The following SLC44A5 variants were observed in gnomAD, a reference collection of about 807,000 sequenced individuals.
SLC44A5 encodes choline transporter-like protein 5.
In SLC44A5, 57 loss-of-function variants were observed where a neutral mutation model predicts 101.8. The observed-to-expected ratio is 0.56, with a 90% CI of 0.45 to 0.70. The LOEUF is 0.70. Ranked by LOEUF, SLC44A5 falls within the 30% of genes least tolerant of loss-of-function variation. The pLI is 0.00. For missense variants in SLC44A5, 737 were observed against 853.1 expected (o/e 0.86, Z 1.70); for synonymous variants, 281 against 290.9 (o/e 0.97, Z 0.35).
At chr1:75,690,325 T>C in the SLC44A5 span, among the ~76,000 whole-genome samples, 2 of 151,218 alleles carry the variant, frequency 1.3e-5, no homozygotes, top group Non-Finnish European at 2.9e-5. Flanking sequence ...TCATGAGAAC[T>C]CCCCCCAATA....
intron 2 of SLC44A5, among the ~76,000 whole-genome samples, chr1:75,400,962 C>T (rs1051534145): frequency 2.6e-5 from 4 of 152,212 alleles, no homozygotes; most frequent in Non-Finnish European, 5.9e-5. Flanking sequence ...TCTTGGCATG[C>T]CTATTATACT....
At chr1:75,303,254 G>T (rs1481408544) in intron 4 of SLC44A5, among the ~76,000 whole-genome samples, 1 of 152,044 alleles carries the variant, frequency 6.6e-6, no homozygotes, top group Non-Finnish European at 1.5e-5. Flanking sequence ...TTTGTTTTTT[G>T]AGCCGGAGTC....
intron 1 of SLC44A5, among the ~76,000 whole-genome samples, chr1:75,589,605 C>T (rs539103124): frequency 6.6e-6 from 1 of 152,268 alleles, no homozygotes; most frequent in South Asian, 2.1e-4. Context: ...GAACCAAAGT[C>T]AGGCGAGCAT....
At chr1:75,341,374 C>A (rs1414910837) in intron 3 of SLC44A5, among the ~76,000 whole-genome samples, 1 of 152,034 alleles carries the variant, frequency 6.6e-6, no homozygotes, top group Non-Finnish European at 1.5e-5. Flanking sequence ...CCTAGCTATT[C>A]CAAAGGCTGA....
the SLC44A5 span, among the ~76,000 whole-genome samples, chr1:75,668,533 G>T: frequency 6.6e-6 from 1 of 150,848 alleles, no homozygotes; most frequent in Non-Finnish European, 1.5e-5. Context: ...AGGCTGGTCA[G>T]CTGGTCTCCA....
chr1:75,364,166 A>G (rs1659696311), intron 3 of SLC44A5, among the ~76,000 whole-genome samples: 1 of 152,162 alleles, frequency 6.6e-6, no homozygotes, highest in Non-Finnish European at 1.5e-5. Flanking sequence ...ATTTGATTGC[A>G]GAGATCTAAG....
At chr1:75,720,056 T>C in the SLC44A5 span, among the ~76,000 whole-genome samples, 2 of 152,218 alleles carry the variant, frequency 1.3e-5, no homozygotes, top group Admixed American at 6.5e-5. Context: ...AAGCATGTAC[T>C]TACTGTAAAT....
chr1:75,530,868 G>A (rs1044621756), intron 2 of SLC44A5, among the ~76,000 whole-genome samples: 2 of 152,180 alleles, frequency 1.3e-5, no homozygotes, highest in African/African-American at 2.4e-5. Context: ...AAGTGAGTCA[G>A]AAGTAGGTCA....
the SLC44A5 span, among the ~76,000 whole-genome samples, chr1:75,644,429 G>A: frequency 6.6e-6 from 1 of 151,810 alleles, no homozygotes; most frequent in Non-Finnish European, 1.5e-5. Context: ...TCATACTATT[G>A]AATGACTTTT....
At chr1:75,233,501 G>A (rs1333472137) in intron 12 of SLC44A5, among the ~76,000 whole-genome samples, 1 of 152,056 alleles carries the variant, frequency 6.6e-6, no homozygotes, top group Admixed American at 6.6e-5. Flanking sequence ...GTGTAATTCG[G>A]AATACTTGCC....
intron 5 of SLC44A5, among the ~76,000 whole-genome samples, chr1:75,292,970 A>G (rs1045850824): frequency 6.6e-6 from 1 of 152,228 alleles, no homozygotes; most frequent in East Asian, 1.9e-4. Context: ...TGGTTCAATC[A>G]TCTTTTTTCT....
intron 4 of SLC44A5, among the ~76,000 whole-genome samples, chr1:75,322,958 T>A (rs1656282895): frequency 6.6e-6 from 1 of 152,138 alleles, no homozygotes; most frequent in East Asian, 1.9e-4. Flanking sequence ...ATTATTATTA[T>A]ACTTTAAGTT....
At chr1:75,285,720 T>C (rs1652981166) in intron 5 of SLC44A5, among the ~76,000 whole-genome samples, 1 of 151,992 alleles carries the variant, frequency 6.6e-6, no homozygotes, top group Non-Finnish European at 1.5e-5. Context: ...TTGATTTTAT[T>C]GTTGACCCAA....
intron 2 of SLC44A5, among the ~76,000 whole-genome samples, chr1:75,541,169 C>T (rs1671335404): frequency 6.6e-6 from 1 of 152,118 alleles, no homozygotes; most frequent in South Asian, 2.1e-4. Flanking sequence ...TTACAAACCA[C>T]ATACCCCCAG....
the SLC44A5 span, among the ~76,000 whole-genome samples, chr1:75,690,397 G>A: frequency 6.6e-6 from 1 of 152,098 alleles, no homozygotes; most frequent in Non-Finnish European, 1.5e-5. Context: ...TTTAACACAC[G>A]GGGATTATAA....
At chr1:75,708,430 A>G in the SLC44A5 span, among the ~76,000 whole-genome samples, 1 of 149,992 alleles carries the variant, frequency 6.7e-6, no homozygotes. Context: ...AAAAAAAAAA[A>G]AAAAAAAAAA....
At chr1:75,306,978 T>C (rs933662357) in intron 4 of SLC44A5, among the ~76,000 whole-genome samples, 3 of 152,018 alleles carry the variant, frequency 2.0e-5, no homozygotes, top group Admixed American at 1.3e-4. Flanking sequence ...GACCTCGTGA[T>C]CCACCCGCCT....
intron 3 of SLC44A5, among the ~76,000 whole-genome samples, chr1:75,383,518 A>C (rs1383656452): frequency 6.6e-6 from 1 of 152,236 alleles, no homozygotes; most frequent in Non-Finnish European, 1.5e-5. Context: ...AAAGAATAAA[A>C]AGAAATGAGC....
chr1:75,247,293 G>A (rs1177498282), intron 7 of SLC44A5, among the ~76,000 whole-genome samples: 1 of 152,074 alleles, frequency 6.6e-6, no homozygotes, highest in Non-Finnish European at 1.5e-5. Context: ...AGAAATCAAG[G>A]TATTTGGAGC....
Sources: gnomAD v4.1 joint callset for allele counts (sites outside exome capture counted in the v4.1 genomes callset) on GRCh38, gnomAD v4.1.1 for gene constraint, MANE v1.5 for transcripts, NCBI Gene and HGNC (gene_info 2026-07-23, HGNC 2026-07-21) for gene names.